SETD4: variants seen among roughly 807,000 people sequenced by gnomAD.
SETD4 encodes the protein SET domain-containing protein 4.
SETD4 carries 46 observed loss-of-function variants against 58.3 expected under a neutral mutation model. The ratio of observed to expected loss-of-function variants is 0.79; its 90% CI spans 0.62 to 1.01. SETD4 has a LOEUF of 1.01. Ranked by LOEUF, SETD4 falls within the 50% of genes least tolerant of loss-of-function variation. The pLI, the probability that SETD4 is intolerant of heterozygous loss-of-function variation, is 0.00. For synonymous variants in SETD4, 190 were observed against 202.6 expected, an observed-to-expected ratio of 0.94 and a Z score of 0.53; for missense variants, 490 against 523.3, an observed-to-expected ratio of 0.94 and a Z score of 0.62.
At chr21:36,046,284 C>T (rs897166561) in intron 5 of SETD4, among the ~76,000 whole-genome samples, 4 of 152,152 alleles carry the variant, frequency 2.6e-5, no homozygotes, top group African/African-American at 9.6e-5. Context: ...AGAGATTCCT[C>T]TTTGCAAAAA....
At chr21:36,039,047 T>A (rs772113611) in intron 9 of SETD4, among the ~76,000 whole-genome samples, 32 of 151,604 alleles carry the variant, frequency 2.1e-4, no homozygotes, top group Non-Finnish European at 3.7e-4. Flanking sequence ...AGGAGCCCAT[T>A]AGATTCAGAA....
At chr21:36,055,990 G>C (rs905790797) in intron 3 of SETD4, among the ~76,000 whole-genome samples, 3 of 152,148 alleles carry the variant, frequency 2.0e-5, no homozygotes, top group African/African-American at 7.2e-5. Context: ...GTACATCTAA[G>C]GGTGTGGCTT....
At chr21:36,043,402 C>G (rs1481943275) in intron 7 of SETD4, 1 of 928,994 alleles carries the variant, frequency 1.1e-6, no homozygotes, top group African/African-American at 1.8e-5. Context: ...GTGTCTTACC[C>G]ACAGTAGGTG....
intron 10 of SETD4, among the ~76,000 whole-genome samples, chr21:36,037,128 A>C (rs935424337): frequency 2.6e-5 from 4 of 152,212 alleles, no homozygotes; most frequent in Non-Finnish European, 5.9e-5. Flanking sequence ...GACTACAGTT[A>C]ATAACAATAT....
In SETD4 at chr21:36,050,175, C is replaced by T. The variant is rs1036504268; in HGVS notation, c.208-1779G>A. On this transcript the variant is annotated intron_variant, in intron 4 of 11. Coordinates refer to ENST00000332131, the MANE Select transcript of SETD4 (RefSeq NM_017438.5). ...ATAATCAACTGGTAGATGTTACATC[C>T]AAGAGGAAACAATCCAGGCAAGGAA... 2.8e-4 allele frequency: 283 copies of T among 1,026,800 alleles called. 2 individuals are homozygous for T. Among genetic ancestry groups the T allele is most frequent in the Non-Finnish European group, 3.8e-4 (247 of 646,954 alleles). 63.6% of individuals were successfully genotyped at this position (1,026,800 alleles called of 1,614,324 possible).
chr21:36,060,153 T>C, intron 1 of SETD4, 194 bp downstream of exon 1: 1 of 984,002 alleles, frequency 1.0e-6, no homozygotes, highest in Non-Finnish European at 1.2e-6. Flanking sequence ...CGGAGCAACA[T>C]GCGCTAAGTG....
intron 1 of SETD4, chr21:36,059,606 TG>T: frequency 4.8e-6 from 2 of 414,954 alleles, no homozygotes; most frequent in Non-Finnish European, 6.5e-6. Context: ...GAGAATCGCT[TG>T]ATCTCAGGAG....
rs2123490631 is a variant in SETD4 at position 36,036,238 on chromosome 21, T to G, written c.1202A>C (p.Lys401Thr). 6.3e-7 allele frequency: 1 copy of G among 1,596,852 alleles called. No homozygotes were observed. The highest frequency in any genetic ancestry group is 2.2e-5 in the East Asian group (1 of 44,774). ...GTTTATCAGGGCCTCTTTTTCATCC[T>G]TCATATGAGACACCTGAAAGTTATT... ...NAVLQKVSHM[K>T]DEKEALINQL... The change falls in exon 11 of 12, where the codon AAG (lysine) becomes ACG (threonine). Residue 401 changes from lysine (K) to threonine (T), a missense_variant. Physicochemically the swap from Lys to Thr is moderately conservative, Grantham distance 78 (BLOSUM62 -1). Coordinates refer to ENST00000332131, the MANE Select transcript of SETD4 (RefSeq NM_017438.5).
chr21:36,051,678 T>C (rs2064697144), intron 4 of SETD4, among the ~76,000 whole-genome samples: 1 of 152,386 alleles, frequency 6.6e-6, no homozygotes, highest in South Asian at 2.1e-4. Context: ...ACAAATACTT[T>C]TTTTTTCATG....
In SETD4 at chr21:36,041,159, CAAAAAAAAAAAAAAA is replaced by C. The variant is rs35920101; in HGVS notation, c.984-519_984-505del. On this transcript the variant is annotated intron_variant, in intron 8 of 11. Coordinates refer to ENST00000332131, the MANE Select transcript of SETD4 (RefSeq NM_017438.5). ...TGGGCGACAGAGCAAGACTCCTTCT[CAAAAAAAAAAAAAAA>C]AAAAAAAAAAAAAAAAGAGCTTAAC... 2.1e-3 allele frequency among the ~76,000 whole-genome samples: 84 copies of C among 40,034 alleles called. No homozygotes were observed. In the East Asian group the frequency reaches 0.066, roughly 31 times the overall value. The allele number at this position is 40,034 out of a possible 152,430, so 26.3% of individuals were successfully genotyped here. A position where few individuals can be genotyped will look rare whatever the true frequency, so the allele number is the denominator to read the frequency against.
chr21:36,041,076 C>T (rs1028734329), intron 8 of SETD4, among the ~76,000 whole-genome samples: 2 of 132,836 alleles, frequency 1.5e-5, no homozygotes, highest in African/African-American at 2.8e-5. Context: ...AGGAGAATGG[C>T]GTGAACCCGG....
At chr21:36,042,719 G>A (rs2064122873) in intron 7 of SETD4, 1 of 152,118 alleles carries the variant, frequency 6.6e-6, no homozygotes, top group East Asian at 1.9e-4. Flanking sequence ...TACAGTTTCA[G>A]AAAGGGAAAA....
chr21:36,053,452 T>G, intron 4 of SETD4, 131 bp downstream of exon 4: 1 of 898,956 alleles, frequency 1.1e-6, no homozygotes, highest in Admixed American at 2.1e-5. Context: ...TAGAACCATA[T>G]TCAAATATAT....
intron 1 of SETD4, 148 bp from the exon 2 acceptor site, chr21:36,059,072 TTC>T: frequency 1.0e-6 from 1 of 953,356 alleles, no homozygotes; most frequent in Non-Finnish European, 1.5e-6. Flanking sequence ...GGTAAACTGT[TTC>T]TCTCAAGTGC....
chr21:36,050,159 T>C, intron 4 of SETD4: 1 of 912,718 alleles, frequency 1.1e-6, no homozygotes, highest in Non-Finnish European at 1.8e-6. Context: ...CATAATCAAC[T>C]GGTAGATGTT....
intron 3 of SETD4, among the ~76,000 whole-genome samples, chr21:36,054,469 C>G (rs2064876834): frequency 6.6e-6 from 1 of 152,176 alleles, no homozygotes; most frequent in South Asian, 2.1e-4. Flanking sequence ...CCTCTCTTAG[C>G]TGGGAGGGAA....
intron 6 of SETD4, among the ~76,000 whole-genome samples, chr21:36,044,437 G>T (rs951091352): frequency 6.6e-6 from 1 of 152,198 alleles, no homozygotes. Context: ...TCGTGCTGTG[G>T]TCTTCCTACA....
chr21:36,054,303 G>C (rs1028403156), intron 3 of SETD4, among the ~76,000 whole-genome samples: 4 of 152,208 alleles, frequency 2.6e-5, no homozygotes, highest in Admixed American at 6.5e-5. Flanking sequence ...CCAACTTCCA[G>C]AAGTTTCTCC....
intron 4 of SETD4, chr21:36,050,857 T>C (rs1568929318): frequency 6.2e-7 from 1 of 1,610,962 alleles, no homozygotes; most frequent in South Asian, 1.1e-5. Flanking sequence ...GGCCATGTGG[T>C]TGGCACCATG....
Sources: allele counts gnomAD v4.1 joint callset (sites outside exome capture counted in the v4.1 genomes callset), GRCh38; gene constraint gnomAD v4.1.1; transcripts MANE v1.5; gene names NCBI Gene and HGNC (gene_info 2026-07-23, HGNC 2026-07-21).